The following MMP26 variants were observed in gnomAD, a reference collection of about 807,000 sequenced individuals.
MMP26 encodes the protein matrix metalloproteinase-26.
Under a neutral mutation model 31.0 loss-of-function variants are expected in MMP26, and 33 were observed. The observed-to-expected ratio is 1.06, with a 90% CI of 0.81 to 1.42. MMP26 has a LOEUF of 1.42. MMP26 is among the 40% of genes most tolerant of loss of function. MMP26 has a pLI of 0.00. For synonymous variants in MMP26, 122 were observed against 114.9 expected (o/e 1.06, Z -0.40); for missense variants, 347 against 316.1 (o/e 1.10, Z -0.74).
intron 2 of MMP26, among the ~76,000 whole-genome samples, chr11:4,826,200 C>T (rs17249744): frequency 0.1 from 15,953 of 152,056 alleles, 1,028 homozygotes; most frequent in Middle Eastern, 0.17. Context: ...CCAGAACTCT[C>T]TAAGTGCAAG....
At chr11:4,824,060 CTGTT>C (rs1849548695) in intron 2 of MMP26, among the ~76,000 whole-genome samples, 1 of 152,052 alleles carries the variant, frequency 6.6e-6, no homozygotes, top group South Asian at 2.1e-4. Context: ...TGACCTTAGA[CTGTT>C]TGGGGGGAAA....
At chr11:4,903,696 A>G (rs554182917) in intron 2 of MMP26, 2 of 152,100 alleles carry the variant, frequency 1.3e-5, no homozygotes, top group Non-Finnish European at 2.9e-5. Flanking sequence ...TCAAGGGTCT[A>G]GTCACCTGAG....
chr11:4,744,973 T>G (rs1313730649), intron 1 of MMP26, among the ~76,000 whole-genome samples: 1 of 152,198 alleles, frequency 6.6e-6, no homozygotes, highest in African/African-American at 2.4e-5. Context: ...ATATAATTAA[T>G]ATAGTCTCCA....
At chr11:4,804,126 C>T (rs867646799) in intron 2 of MMP26, 8 of 1,614,078 alleles carry the variant, frequency 5.0e-6, no homozygotes, top group Middle Eastern at 3.3e-4. Flanking sequence ...AGAATATGGC[C>T]AACATCTTAG....
chr11:4,971,648 A>G (rs189890381), intron 2 of MMP26, among the ~76,000 whole-genome samples: 10 of 152,290 alleles, frequency 6.6e-5, no homozygotes, highest in African/African-American at 2.4e-4. Flanking sequence ...ATTTTGGCTT[A>G]GTCTGTTTTG....
chr11:4,794,348 C>T (rs948533720), intron 2 of MMP26: 1 of 152,146 alleles, frequency 6.6e-6, no homozygotes, highest in Non-Finnish European at 1.5e-5. Flanking sequence ...TAATGGAGGT[C>T]TTGCAAGATC....
At chr11:4,838,315 TAAAAAAAAAAAAAAAAAAAAAAAAAAAAA>T (rs540572047) in intron 2 of MMP26, among the ~76,000 whole-genome samples, 1 of 27,406 alleles carries the variant, frequency 3.6e-5, no homozygotes, top group Non-Finnish European at 1.0e-4. Context: ...AGACTCTGTC[TAAAAAAAAAAAAAAAAAAAAAAAAAAAAA>T]AAAAAAAAAA....
chr11:4,763,143 G>A (rs1324702935), intron 1 of MMP26, among the ~76,000 whole-genome samples: 1 of 152,138 alleles, frequency 6.6e-6, no homozygotes, highest in African/African-American at 2.4e-5. Flanking sequence ...GAGAGATTCT[G>A]AAGACACAGA....
At chr11:4,707,595 C>A (rs1268068413) in intron 1 of MMP26, among the ~76,000 whole-genome samples, 1 of 152,150 alleles carries the variant, frequency 6.6e-6, no homozygotes, top group African/African-American at 2.4e-5. Flanking sequence ...ATCACTAGGT[C>A]CAAATCTGAG....
intron 2 of MMP26, chr11:4,848,482 T>G (rs773348022): frequency 5.6e-6 from 9 of 1,613,610 alleles, no homozygotes; most frequent in Non-Finnish European, 7.6e-6. Flanking sequence ...TGACCAGCCT[T>G]CCAGCGATCC....
At chr11:4,930,653 T>A (rs1367376168) in intron 2 of MMP26, among the ~76,000 whole-genome samples, 2 of 152,222 alleles carry the variant, frequency 1.3e-5, no homozygotes, top group East Asian at 3.9e-4. Context: ...AAAGTTGGAT[T>A]ACCCCAAAAT....
At chr11:4,919,786 GC>G (rs1311358014) in intron 2 of MMP26, among the ~76,000 whole-genome samples, 1 of 152,092 alleles carries the variant, frequency 6.6e-6, no homozygotes, top group African/African-American at 2.4e-5. Flanking sequence ...AGGAAGTCAG[GC>G]TAGGTTCTTG....
chr11:4,851,878 G>C (rs1589919647), intron 2 of MMP26, among the ~76,000 whole-genome samples: 1 of 151,918 alleles, frequency 6.6e-6, no homozygotes, highest in East Asian at 1.9e-4. Context: ...CAATGAAAAA[G>C]CAGTGGAACA....
intron 2 of MMP26, among the ~76,000 whole-genome samples, chr11:4,841,581 T>G (rs1398158261): frequency 6.6e-6 from 1 of 151,916 alleles, no homozygotes; most frequent in Non-Finnish European, 1.5e-5. Context: ...GAAGAAGAAA[T>G]AAAGACTTTC....
chr11:4,981,175 T>A (rs1846807881), intron 2 of MMP26, among the ~76,000 whole-genome samples: 1 of 152,110 alleles, frequency 6.6e-6, no homozygotes, highest in Non-Finnish European at 1.5e-5. Flanking sequence ...CACATTTTTG[T>A]ACTGTTTGAT....
At chr11:4,816,703 T>C in intron 2 of MMP26, among the ~76,000 whole-genome samples, 1 of 140,926 alleles carries the variant, frequency 7.1e-6, no homozygotes, top group Non-Finnish European at 1.5e-5. Context: ...CCTTCTTTTT[T>C]TTTTTTTTTT....
chr11:4,724,498 A>G (rs1005895809), intron 1 of MMP26, among the ~76,000 whole-genome samples: 11 of 152,364 alleles, frequency 7.2e-5, no homozygotes, highest in Non-Finnish European at 1.2e-4. Flanking sequence ...CTTAGTTTAC[A>G]TTAAAAACAT....
chr11:4,705,162 A>G (rs957668720), intron 1 of MMP26, 117 bp downstream of exon 1: 3 of 152,250 alleles, frequency 2.0e-5, no homozygotes, highest in African/African-American at 7.2e-5. Flanking sequence ...TGAACTCAGT[A>G]GTGTATTTTC....
At chr11:4,776,537 G>C (rs1008135215) in intron 2 of MMP26, among the ~76,000 whole-genome samples, 2 of 152,056 alleles carry the variant, frequency 1.3e-5, no homozygotes, top group Non-Finnish European at 2.9e-5. Flanking sequence ...CTTCTCTGAT[G>C]ATTAGTGATA....
Sources: gnomAD v4.1 joint callset for allele counts (sites outside exome capture counted in the v4.1 genomes callset) on GRCh38, gnomAD v4.1.1 for gene constraint, MANE v1.5 for transcripts, NCBI Gene and HGNC (gene_info 2026-07-23, HGNC 2026-07-21) for gene names.